Variants in TSFM observed in about 807,000 individuals in gnomAD.
TSFM encodes the protein elongation factor Ts, mitochondrial.
A neutral mutation model predicts 33.4 loss-of-function variants in TSFM; 29 were observed. That is an observed-to-expected ratio of 0.87 (90% CI 0.65 to 1.18). The LOEUF (loss-of-function observed/expected upper bound fraction) is 1.18. TSFM is among the 50% of genes most tolerant of loss of function. The pLI, the probability that TSFM is intolerant of heterozygous loss-of-function variation, is 0.00. For synonymous variants in TSFM, 178 were observed against 163.5 expected (o/e 1.09, Z -0.68); for missense variants, 394 against 395.6 (o/e 1.00, Z 0.04).
intron 3 of TSFM, 121 bp from the exon 4 acceptor site, chr12:57,786,918 AT>A (rs1298781328): frequency 9.0e-5 from 102 of 1,135,876 alleles, no homozygotes; most frequent in Middle Eastern, 2.8e-4. Context: ...TTTTGGAGTC[AT>A]TTTTTTTCCG....
rs1491203033 is a variant in TSFM, at chr12:57,796,512, CAG to C, written c.908_909del (p.Gln303ArgfsTer11). The C allele has an allele frequency of 4.6e-6, 7 of 1,528,872 alleles. No homozygotes were observed. The highest frequency in any genetic ancestry group is 2.8e-5 in the African/African-American group (2 of 72,702). The allele number at this position is 1,528,872 out of a possible 1,614,324, so 94.7% of individuals were successfully genotyped here. A position where few individuals can be genotyped will look rare whatever the true frequency, so the allele number is the denominator to read the frequency against. On this transcript the variant is annotated frameshift_variant, in exon 6 of 6. Coordinates refer to ENST00000652027, the MANE Select transcript of TSFM (RefSeq NM_005726.6). LOFTEE classifies it high-confidence loss of function. ...TACCTTGGGGCAGTATGTGCAGCCT[CAG>C]GGGGTGTCGGTAGTAGACTTTGTGC... is the stretch of plus-strand genomic sequence containing the variant. The part of the protein sequence containing the change: ...SITLGQYVQP[Q>X]GVSVVDFVRF...
chr12:57,783,191 A>G lies in TSFM; in HGVS notation c.139A>G (p.Lys47Glu). The stretch of plus-strand genomic sequence containing the variant: ...CCGTCTGTCTGCCTCGGCCTCCAGC[A>G]AGGAGCTCCTCATGAAGCTGCGGCG... ...GPRLSASASS[K>E]ELLMKLRRKT... Residue 47 changes from lysine (K) to glutamate (E), a missense_variant, in exon 2 of 6, where the codon AAG becomes GAG. Physicochemically the swap from Lys to Glu is moderately conservative, Grantham distance 56. Transcript: ENST00000652027. 9 of 1,613,738 alleles carry G rather than the reference A, an allele frequency of 5.6e-6. No homozygotes were observed. Among genetic ancestry groups the G allele is most frequent in the Non-Finnish European group, 7.6e-6 (9 of 1,179,886 alleles).
downstream of TSFM, chr12:57,802,215 A>G: frequency 1.9e-6 from 3 of 1,614,102 alleles, no homozygotes; most frequent in Non-Finnish European, 2.5e-6. Context: ...GGGAGGCTCA[A>G]ACCCCTGCTT....
Position 57,783,129 on chromosome 12 carries a change from A to G in TSFM, c.77A>G (p.Gln26Arg), listed in dbSNP as rs1416675515. The stretch of plus-strand genomic sequence containing the variant: ...ATCTAGGCTGGGTCTCTTCTGCGTC[A>G]GTCGCCCCAGCCAAGGCACACATTT... ...GSYPAGSLLR[Q>R]SPQPRHTFYA... Residue 26 changes from glutamine to arginine, a missense_variant, in exon 2 of 6, where the codon CAG becomes CGG. Gln to Arg is a conservative substitution (Grantham distance 43, BLOSUM62 1). Around this residue, in one of 3 missense-constraint regions of TSFM, gnomAD observed 208 missense variants for 180.4 expected, o/e 1.15. Coordinates refer to ENST00000652027, the MANE Select transcript of TSFM (RefSeq NM_005726.6). The G allele has an allele frequency of 6.2e-7, 1 of 1,611,034 alleles. No homozygotes were observed. The highest frequency in any genetic ancestry group is 8.5e-7 in the Non-Finnish European group (1 of 1,179,690).
chr12:57,802,023 G>A (rs908660315), downstream of TSFM: 1 of 988,326 alleles, frequency 1.0e-6, no homozygotes, highest in Non-Finnish European at 1.5e-6. Flanking sequence ...AAAAGTAAAA[G>A]GCAGGGAGTG....
chr12:57,793,101 T>C (rs1955685846), intron 5 of TSFM, 28 bp downstream of exon 5: 3 of 1,581,768 alleles, frequency 1.9e-6, no homozygotes, highest in Non-Finnish European at 2.6e-6. Flanking sequence ...TTCTGGAAAC[T>C]GGAAATTAGG....
intron 4 of TSFM, 144 bp downstream of exon 4, chr12:57,787,306 C>A: frequency 1.2e-6 from 1 of 854,458 alleles, no homozygotes; most frequent in Admixed American, 3.3e-5. Context: ...AATTACCCTT[C>A]CCCCGTTGCT....
At chr12:57,782,941 G>C in intron 1 of TSFM, 83 bp downstream of exon 1, 1 of 1,500,528 alleles carries the variant, frequency 6.7e-7, no homozygotes, top group South Asian at 1.3e-5. Flanking sequence ...TCCCAACCTC[G>C]TTTGACTCCA....
chr12:57,797,590 T>C (rs74096250), downstream of TSFM: 380 of 928,084 alleles, frequency 4.1e-4, no homozygotes, highest in African/African-American at 6.4e-3. Context: ...GCATTGTTTT[T>C]TGGTTCTCTT....
chr12:57,790,249 C>T (rs1955645342), intron 4 of TSFM, among the ~76,000 whole-genome samples: 1 of 151,522 alleles, frequency 6.6e-6, no homozygotes, highest in South Asian at 2.1e-4. Flanking sequence ...TTTGTATTTT[C>T]AGTAGAGACA....
At position 57,787,020 on chromosome 12, in the gene TSFM, A is replaced by G. The variant is rs1259019903; in HGVS notation, c.361-20A>G. On this transcript the variant is annotated intron_variant, in intron 3 of 5. Transcript: ENST00000652027. ...TTATCATTAAACAGCTTATACAGCT[A>G]TATCAATTTGTTCCCACAGGTAAAC... 21 of 1,611,910 alleles carry G rather than the reference A, an allele frequency of 1.3e-5. No individual in the cohort carries two copies. In the African/African-American group the frequency reaches 2.0e-4, roughly 15 times the overall value.
chr12:57,793,056 A>C lies in TSFM; in HGVS notation c.554A>C (p.Gln185Pro). 1 of 1,613,470 alleles carries C rather than the reference A, an allele frequency of 6.2e-7. No homozygotes were observed. The highest frequency in any genetic ancestry group is 8.5e-7 in the Non-Finnish European group (1 of 1,179,578). The part of the protein sequence containing the change: ...GPDREGSLKD[Q>P]LALAIGKLGE... ...GACAGAGAAGGCTCACTCAAGGATC[A>C]GTTGGCTTTAGCAATTGGTGAGTAT... The change falls in exon 5 of 6, where the codon CAG becomes CCG. Residue 185 changes from glutamine (Q) to proline (P), a missense_variant. Around this residue, in one of 3 missense-constraint regions of TSFM, gnomAD observed 186 missense variants for 198.8 expected, o/e 0.94. Transcript: ENST00000652027.
At chr12:57,793,100 C>T in intron 5 of TSFM, 27 bp downstream of exon 5, 1 of 1,590,070 alleles carries the variant, frequency 6.3e-7, no homozygotes, top group Non-Finnish European at 8.6e-7. Flanking sequence ...GTTCTGGAAA[C>T]TGGAAATTAG....
At chr12:57,785,562 C>T (rs1336866538) in intron 2 of TSFM, among the ~76,000 whole-genome samples, 1 of 152,176 alleles carries the variant, frequency 6.6e-6, no homozygotes, top group Non-Finnish European at 1.5e-5. Context: ...ACCTCCGCCT[C>T]CCGGGTTCAA....
At position 57,792,980 on chromosome 12, in the gene TSFM, A is replaced by C. The variant is rs775442169; in HGVS notation, c.484-6A>C. On this transcript the variant is annotated splice_polypyrimidine_tract_variant and splice_region_variant and intron_variant, in intron 4 of 5. Coordinates refer to ENST00000652027, the MANE Select transcript of TSFM (RefSeq NM_005726.6). ...CAGTTCATGTTTGTTTTCTTCGTGC[A>C]CTTAGGGTTTCTTGAATTCCTCTGA... is the stretch of plus-strand genomic sequence containing the variant. 1 of 1,613,256 alleles carries C rather than the reference A, an allele frequency of 6.2e-7. No homozygotes were observed. The highest frequency in any genetic ancestry group is 1.1e-5 in the South Asian group (1 of 91,070).
downstream of TSFM, chr12:57,802,739 G>T: frequency 3.4e-6 from 2 of 595,074 alleles, no homozygotes; most frequent in East Asian, 5.6e-5. Flanking sequence ...GTCACCTAAG[G>T]CAGAAGCCTG....
downstream of TSFM, among the ~76,000 whole-genome samples, chr12:57,798,775 C>A (rs1425252576): frequency 6.6e-6 from 1 of 151,962 alleles, no homozygotes. Flanking sequence ...CACCACCACG[C>A]CTGGCTAATT....
At position 57,796,458 on chromosome 12, in the gene TSFM, T is replaced by A; in HGVS notation, c.853T>A (p.Ser285Thr). The change falls in exon 6 of 6, where the codon TCC becomes ACC. Residue 285 changes from serine (S) to threonine (T), a missense_variant. By Grantham distance (58) the Ser-to-Thr change is moderately conservative (BLOSUM62 1). Coordinates refer to ENST00000652027, the MANE Select transcript of TSFM (RefSeq NM_005726.6). Reference protein sequence around the residue: ...PGGEAETKMLSQPYLLDPSIT... With the variant: ...PGGEAETKMLTQPYLLDPSIT... The stretch of plus-strand genomic sequence containing the variant: ...GGGAGAGGCAGAGACTAAGATGCTG[T>A]CCCAGCCGTATTTGCTGGATCCCTC... 2 of 1,583,732 alleles carry A rather than the reference T, an allele frequency of 1.3e-6. No homozygotes were observed. Among genetic ancestry groups the A allele is most frequent in the South Asian group, 1.2e-5 (1 of 86,664 alleles).
At chr12:57,788,185 A>T (rs774532386) in intron 4 of TSFM, among the ~76,000 whole-genome samples, 1 of 151,562 alleles carries the variant, frequency 6.6e-6, no homozygotes, top group South Asian at 2.1e-4. Flanking sequence ...TGTTGAGATT[A>T]TTTTTTTTAA....
Sources: allele counts gnomAD v4.1 joint callset (sites outside exome capture counted in the v4.1 genomes callset), GRCh38; gene constraint gnomAD v4.1.1; regional missense constraint gnomAD v4.1.1; transcripts MANE v1.5; gene names NCBI Gene and HGNC (gene_info 2026-07-23, HGNC 2026-07-21).